The following GMDS variants were observed in gnomAD, a reference collection of about 807,000 sequenced individuals.
GMDS encodes GDP-mannose 4,6-dehydratase, also known as GDP-mannose 4,6 dehydratase.
In GMDS, 20 loss-of-function variants were observed where a neutral mutation model predicts 49.9. That is an observed-to-expected ratio of 0.40 (90% CI 0.28 to 0.58). The LOEUF (loss-of-function observed/expected upper bound fraction) is 0.58. GMDS is among the 20% of genes least tolerant of loss of function. The probability of loss-of-function intolerance (pLI) is 0.42; values close to 1 mark genes in which losing one functional copy is unlikely to be tolerated. For missense variants in GMDS, 362 were observed against 481.4 expected (o/e 0.75, Z 2.32); for synonymous variants, 177 against 178.6 (o/e 0.99, Z 0.07).
chr6:1,743,461 T>G (rs1187694496), intron 7 of GMDS, among the ~76,000 whole-genome samples: 1 of 144,506 alleles, frequency 6.9e-6, no homozygotes, highest in Non-Finnish European at 1.5e-5. Context: ...GAGAATGGCG[T>G]GAACCCGGGA....
chr6:1,799,378 G>C (rs956718113), intron 7 of GMDS, among the ~76,000 whole-genome samples: 2 of 152,116 alleles, frequency 1.3e-5, no homozygotes, highest in Admixed American at 6.5e-5. Flanking sequence ...CTCAAGCCTT[G>C]GCAACACGGT....
chr6:2,185,852 T>C (rs1778756280), intron 1 of GMDS, among the ~76,000 whole-genome samples: 1 of 152,188 alleles, frequency 6.6e-6, no homozygotes, highest in Non-Finnish European at 1.5e-5. Context: ...CCTGAGTTTC[T>C]AGAATATGCT....
chr6:1,754,658 C>T (rs1236853041), intron 7 of GMDS, among the ~76,000 whole-genome samples: 4 of 152,170 alleles, frequency 2.6e-5, no homozygotes, highest in Non-Finnish European at 5.9e-5. Flanking sequence ...AATCCAGTAG[C>T]ACATCAAAAA....
chr6:1,638,853 A>G lies in GMDS; in HGVS notation c.988-14313T>C, dbSNP rs550696081. ...GAGACCATGTTTTCAGGTCAATGGG[A>G]CCTGCATGAGTAGAGTGAGTCTGGA... On this transcript the variant is annotated intron_variant, in intron 9 of 10. Transcript: ENST00000380815. Among the ~76,000 whole-genome samples, 4 of 152,332 alleles carry G rather than the reference A, an allele frequency of 2.6e-5. No individual in the cohort carries two copies. The South Asian group carries it at 8.3e-4, about 32-fold the overall frequency.
intron 1 of GMDS, among the ~76,000 whole-genome samples, chr6:2,157,255 C>T (rs1777156186): frequency 6.6e-6 from 1 of 152,214 alleles, no homozygotes; most frequent in Non-Finnish European, 1.5e-5. Context: ...GCATGTCTTA[C>T]AGGCTCTCAG....
intron 7 of GMDS, among the ~76,000 whole-genome samples, chr6:1,753,552 C>A (rs1398489060): frequency 6.6e-6 from 1 of 152,212 alleles, no homozygotes; most frequent in African/African-American, 2.4e-5. Context: ...TAGACAGCTA[C>A]AGAACTCTCC....
intron 4 of GMDS, among the ~76,000 whole-genome samples, chr6:2,095,962 A>C (rs1448674311): frequency 6.6e-6 from 1 of 152,234 alleles, no homozygotes; most frequent in Admixed American, 6.5e-5. Flanking sequence ...TCACAGATAG[A>C]GCAAGCATAG....
chr6:2,021,740 C>A (rs978706361), intron 4 of GMDS, among the ~76,000 whole-genome samples: 1 of 152,190 alleles, frequency 6.6e-6, no homozygotes, highest in African/African-American at 2.4e-5. Context: ...CCCCACCCAA[C>A]TGTGGAAATG....
intron 7 of GMDS, among the ~76,000 whole-genome samples, chr6:1,903,157 T>A (rs2113862178): frequency 6.6e-6 from 1 of 152,340 alleles, no homozygotes; most frequent in African/African-American, 2.4e-5. Flanking sequence ...AAAAAAAGAT[T>A]GTGGATTTAT....
chr6:2,052,771 T>C (rs369514188), intron 4 of GMDS, among the ~76,000 whole-genome samples: 2 of 152,178 alleles, frequency 1.3e-5, no homozygotes, highest in African/African-American at 4.8e-5. Context: ...AATACCATCA[T>C]GGGGAAAAAA....
chr6:1,723,968 G>A (rs569122916), intron 9 of GMDS, among the ~76,000 whole-genome samples: 3 of 152,226 alleles, frequency 2.0e-5, no homozygotes, highest in South Asian at 2.1e-4. Flanking sequence ...CCTTTCAACT[G>A]GAAGAATATT....
intron 4 of GMDS, among the ~76,000 whole-genome samples, chr6:2,032,233 A>G (rs577780267): frequency 6.6e-6 from 1 of 152,314 alleles, no homozygotes; most frequent in South Asian, 2.1e-4. Context: ...ACATACAGCT[A>G]TTCCTCAGTC....
chr6:1,956,598 C>T (rs1763650681), intron 6 of GMDS, among the ~76,000 whole-genome samples: 1 of 151,764 alleles, frequency 6.6e-6, no homozygotes, highest in Non-Finnish European at 1.5e-5. Flanking sequence ...TGAGGTTTAC[C>T]AAGGTTTTTC....
At chr6:2,133,993 T>C (rs1308795672) in intron 1 of GMDS, among the ~76,000 whole-genome samples, 1 of 152,200 alleles carries the variant, frequency 6.6e-6, no homozygotes, top group African/African-American at 2.4e-5. Flanking sequence ...TAGGTTGTGC[T>C]ATATTGTGTA....
chr6:1,867,426 C>T (rs1758492753), intron 7 of GMDS, among the ~76,000 whole-genome samples: 2 of 152,314 alleles, frequency 1.3e-5, no homozygotes, highest in Admixed American at 1.3e-4. Flanking sequence ...TGATGTCAGT[C>T]TGACAGATGT....
intron 9 of GMDS, among the ~76,000 whole-genome samples, chr6:1,721,468 T>C (rs1014746895): frequency 2.4e-4 from 37 of 152,016 alleles, no homozygotes; most frequent in African/African-American, 8.7e-4. Flanking sequence ...AGACAAACAG[T>C]GTAGCAAGGA....
chr6:1,724,144 A>G lies in GMDS; in HGVS notation c.987+2272T>C, dbSNP rs554753112. On this transcript the variant is annotated intron_variant, in intron 9 of 10. Transcript: ENST00000380815. ...AGTGAATGAAATTAATGCAGCCTAGAGGCTTAGAAAGATAAAACGTAGTTC... is the reference window on the plus strand; with the variant it reads ...AGTGAATGAAATTAATGCAGCCTAGGGGCTTAGAAAGATAAAACGTAGTTC... Among the ~76,000 whole-genome samples the G allele has an allele frequency of 9.9e-5, 15 of 152,284 alleles. No homozygotes were observed. The South Asian group carries it at 2.9e-3, about 29-fold the overall frequency.
chr6:2,001,880 C>T (rs995244422), intron 4 of GMDS, among the ~76,000 whole-genome samples: 1 of 152,118 alleles, frequency 6.6e-6, no homozygotes, highest in African/African-American at 2.4e-5. Context: ...ATATATAAAA[C>T]TTAACTCAAA....
At chr6:2,233,844 A>G in intron 1 of GMDS, among the ~76,000 whole-genome samples, 1 of 152,200 alleles carries the variant, frequency 6.6e-6, no homozygotes. Context: ...AAACAAAAAC[A>G]GGAGGCAGCT....
Sources: allele counts gnomAD v4.1 joint callset (sites outside exome capture counted in the v4.1 genomes callset), GRCh38; gene constraint gnomAD v4.1.1; transcripts MANE v1.5; gene names NCBI Gene and HGNC (gene_info 2026-07-23, HGNC 2026-07-21).